ARID4A: variants seen among roughly 807,000 people sequenced by gnomAD.
ARID4A encodes the protein AT-rich interaction domain 4A, also known as AT-rich interactive domain-containing protein 4A.
ARID4A carries 39 observed loss-of-function variants against 148.6 expected under a neutral mutation model. That is an observed-to-expected ratio of 0.26 (90% CI 0.20 to 0.34). The LOEUF (loss-of-function observed/expected upper bound fraction) is 0.34. Ranked by LOEUF, ARID4A falls within the 10% of genes least tolerant of loss-of-function variation. The pLI, the probability that ARID4A is intolerant of heterozygous loss-of-function variation, is 1.00. For synonymous variants in ARID4A, 475 were observed against 481.2 expected (o/e 0.99, Z 0.17); for missense variants, 1,265 against 1,449.1 (o/e 0.87, Z 2.06).
chr14:58,367,047 T>C lies in ARID4A; in HGVS notation c.3670+18T>C. ...CAGGGAAGGTAATTTTATTATGATT[T>C]TTCTCCCCTTATATTTCAAAACTAT... On this transcript the variant is annotated intron_variant, in intron 23 of 23. Coordinates refer to ENST00000355431, the MANE Select transcript of ARID4A (RefSeq NM_002892.4). 7.0e-7 allele frequency: 1 copy of C among 1,435,990 alleles called. No homozygotes were observed. The highest frequency in any genetic ancestry group is 9.1e-7 in the Non-Finnish European group (1 of 1,093,534). The allele number at this position is 1,435,990 out of a possible 1,614,324, so 89.0% of individuals were successfully genotyped here.
Position 58,356,286 on chromosome 14 carries a change from GAGTTATCCCTTT to G in ARID4A, c.1853+2432_1853+2443del. Among the ~76,000 whole-genome samples, 4 of 152,290 alleles carry G rather than the reference GAGTTATCCCTTT, an allele frequency of 2.6e-5. 1 individual carries two copies. The stretch of plus-strand genomic sequence containing the variant: ...CTGATACCTCCTATGGAATTGGATA[GAGTTATCCCTTT>G]GTTAGCCCTGGATCAGGTACATATT... On this transcript the variant is annotated intron_variant, in intron 17 of 23. Transcript: ENST00000355431.
chr14:58,329,861 G>T, intron 10 of ARID4A, 142 bp from the exon 11 acceptor site: 1 of 1,329,680 alleles, frequency 7.5e-7, no homozygotes, highest in East Asian at 2.4e-5. Context: ...TATAACTTAT[G>T]AAATATGTTA....
intron 15 of ARID4A, 47 bp from the exon 16 acceptor site, chr14:58,351,026 C>T: frequency 6.6e-7 from 1 of 1,508,468 alleles, no homozygotes; most frequent in Non-Finnish European, 8.8e-7. Flanking sequence ...CTGCTTTTTT[C>T]CCCTTTATAG....
intron 7 of ARID4A, among the ~76,000 whole-genome samples, chr14:58,321,872 TAGCTG>T (rs1465099774): frequency 6.6e-6 from 1 of 152,202 alleles, no homozygotes; most frequent in Admixed American, 6.5e-5. Context: ...TCTCAATTTA[TAGCTG>T]AGGAAAATGG....
chr14:58,339,255 G>A (rs2140215087), intron 11 of ARID4A, among the ~76,000 whole-genome samples: 1 of 152,122 alleles, frequency 6.6e-6, no homozygotes, highest in East Asian at 1.9e-4. Context: ...AGGATTACAG[G>A]CAGGAGCCAC....
chr14:58,364,975 A>AGATTTGGAT lies in ARID4A; in HGVS notation c.2898_2906dup (p.Asp966_Asp968dup), dbSNP rs1321280965. The AGATTTGGAT allele has an allele frequency of 6.2e-7, 1 of 1,614,134 alleles. No individual in the cohort carries two copies. Among genetic ancestry groups the AGATTTGGAT allele is most frequent in the South Asian group, 1.1e-5 (1 of 91,084 alleles). On this transcript the variant is annotated inframe_insertion, in exon 20 of 24. Coordinates refer to ENST00000355431, the MANE Select transcript of ARID4A (RefSeq NM_002892.4). ...CTGAAACCTTGGTTTGCCATGAAGT[A>AGATTTGGAT]GATTTGGATGATTTGGATGAAAAGG...
At chr14:58,355,906 C>G (rs1186526445) in intron 17 of ARID4A, among the ~76,000 whole-genome samples, 1 of 152,142 alleles carries the variant, frequency 6.6e-6, no homozygotes, top group East Asian at 1.9e-4. Flanking sequence ...TCTCAGCAGT[C>G]ATTTTATTAT....
In ARID4A at chr14:58,364,628, G is replaced by C; in HGVS notation, c.2539G>C (p.Asp847His). 1.2e-6 allele frequency: 2 copies of C among 1,613,746 alleles called. No individual in the cohort carries two copies. Among genetic ancestry groups the C allele is most frequent in the Non-Finnish European group, 1.7e-6 (2 of 1,179,934 alleles). The change falls in exon 20 of 24, where the codon GAC (aspartate) becomes CAC (histidine). Residue 847 changes from aspartate to histidine, a missense_variant. This residue lies in a region of ARID4A where 666 missense variants were observed against 730.9 expected (regional missense o/e 0.91). Coordinates refer to ENST00000355431, the MANE Select transcript of ARID4A (RefSeq NM_002892.4). ...TTCTTCTGCTACAGAAGATGAAATT[G>C]ACCAATGTGTGAAAGAAAAGAAGTT... is the stretch of plus-strand genomic sequence containing the variant. ...NFSSATEDEI[D>H]QCVKEKKLKR...
intron 17 of ARID4A, among the ~76,000 whole-genome samples, chr14:58,358,642 T>C (rs1339308112): frequency 6.6e-6 from 1 of 152,156 alleles, no homozygotes; most frequent in African/African-American, 2.4e-5. Flanking sequence ...GAAGATTTTA[T>C]TGGAAATACT....
At chr14:58,334,559 A>G (rs1175797887) in intron 11 of ARID4A, among the ~76,000 whole-genome samples, 2 of 152,180 alleles carry the variant, frequency 1.3e-5, no homozygotes, top group African/African-American at 4.8e-5. Flanking sequence ...TCTGTAAGCA[A>G]ATCATTATTT....
Position 58,306,020 on chromosome 14 carries a change from A to G in ARID4A, c.184-2A>G, listed in dbSNP as rs1252560926. 1 of 1,612,146 alleles carries G rather than the reference A, an allele frequency of 6.2e-7. No individual in the cohort carries two copies. Among genetic ancestry groups the G allele is most frequent in the Non-Finnish European group, 8.5e-7 (1 of 1,178,656 alleles). On this transcript the variant is annotated splice_acceptor_variant, in intron 4 of 23. Transcript: ENST00000355431. LOFTEE classifies it high-confidence loss of function. Reference sequence around the variant, plus strand: ...TAAGGAAATTGGGATTTCACATTTTAGGTTGGAGCTATTGTTGAAACAAGG... The same window carrying G: ...TAAGGAAATTGGGATTTCACATTTTGGGTTGGAGCTATTGTTGAAACAAGG...
rs1394682345 is a variant in ARID4A, at chr14:58,298,705, G to T, written c.-58+5G>T. 6.5e-6 allele frequency: 1 copy of T among 152,834 alleles called. No homozygotes were observed. Among genetic ancestry groups the T allele is most frequent in the Non-Finnish European group, 1.5e-5 (1 of 68,316 alleles). 9.5% of individuals were successfully genotyped at this position (152,834 alleles called of 1,614,324 possible). A position where few individuals can be genotyped will look rare whatever the true frequency, so the allele number is the denominator to read the frequency against. ...CGCGCACTTCACCCGCAGTTGGTAGGTGGGGAGAGGGGAATCCGGGGATAC... is the reference window on the plus strand; with the variant it reads ...CGCGCACTTCACCCGCAGTTGGTAGTTGGGGAGAGGGGAATCCGGGGATAC... On this transcript the variant is annotated splice_donor_5th_base_variant and intron_variant, in intron 1 of 23. Transcript: ENST00000355431.
intron 15 of ARID4A, among the ~76,000 whole-genome samples, chr14:58,348,082 T>C (rs547085116): frequency 6.6e-6 from 1 of 152,280 alleles, no homozygotes; most frequent in Admixed American, 6.5e-5. Flanking sequence ...TCTGTTTATA[T>C]TCGATCAAGT....
intron 15 of ARID4A, among the ~76,000 whole-genome samples, chr14:58,349,669 G>A (rs558363944): frequency 4.7e-4 from 71 of 151,808 alleles, no homozygotes; most frequent in African/African-American, 1.6e-3. Flanking sequence ...AGCTGAGATC[G>A]CACCACTGCA....
Position 58,329,542 on chromosome 14 carries a change from G to A in ARID4A, c.677G>A (p.Arg226Lys). The change falls in exon 10 of 24, where the codon AGA (arginine) becomes AAA (lysine). Residue 226 changes from arginine (R) to lysine (K), a missense_variant. Physicochemically the swap from Arg to Lys is conservative, Grantham distance 26. Around this residue, in one of 9 missense-constraint regions of ARID4A, gnomAD observed 249 missense variants for 277.2 expected, o/e 0.90. Transcript: ENST00000355431. ...FIDSKFYSIA[R>K]KDIKEVDILN... ...TTGATAATTAGTTACTCTATAGCAA[G>A]AAAGGACATTAAGGAAGTAGACATT... 6.2e-7 allele frequency: 1 copy of A among 1,603,242 alleles called. No individual in the cohort carries two copies. Among genetic ancestry groups the A allele is most frequent in the Middle Eastern group, 1.7e-4 (1 of 6,028 alleles).
At chr14:58,341,726 A>C (rs1354679154) in intron 11 of ARID4A, among the ~76,000 whole-genome samples, 9 of 152,214 alleles carry the variant, frequency 5.9e-5, no homozygotes, top group Non-Finnish European at 4.4e-5. Flanking sequence ...AGTAGTGTAG[A>C]TAGATATCCA....
intron 7 of ARID4A, among the ~76,000 whole-genome samples, chr14:58,319,128 C>T (rs537449193): frequency 6.6e-6 from 1 of 152,016 alleles, no homozygotes; most frequent in Non-Finnish European, 1.5e-5. Context: ...GGTGCAATCT[C>T]GGCTCACTGC....
intron 14 of ARID4A, 29 bp downstream of exon 14, chr14:58,347,146 A>T (rs773829902): frequency 8.6e-7 from 1 of 1,161,744 alleles, no homozygotes; most frequent in East Asian, 2.7e-5. Flanking sequence ...TCATCAAAGA[A>T]TATATATTTA....
intron 8 of ARID4A, among the ~76,000 whole-genome samples, chr14:58,326,361 C>T (rs985744930): frequency 2.6e-5 from 4 of 152,120 alleles, no homozygotes; most frequent in Non-Finnish European, 4.4e-5. Context: ...GGCATGAACC[C>T]GGAAGGCGGA....
Sources: allele counts gnomAD v4.1 joint callset (sites outside exome capture counted in the v4.1 genomes callset), GRCh38; gene constraint gnomAD v4.1.1; regional missense constraint gnomAD v4.1.1; transcripts MANE v1.5; gene names NCBI Gene and HGNC (gene_info 2026-07-23, HGNC 2026-07-21).